The following DOK6 variants were observed in gnomAD, a reference collection of about 807,000 sequenced individuals.
DOK6 encodes docking protein 6, also known as downstream of tyrosine kinase 6.
In DOK6, 22 loss-of-function variants were observed where a neutral mutation model predicts 44.0. The observed-to-expected ratio is 0.50, with a 90% CI of 0.36 to 0.71. The LOEUF is 0.71. Ranked by LOEUF, DOK6 falls within the 30% of genes least tolerant of loss-of-function variation. The pLI, the probability that DOK6 is intolerant of heterozygous loss-of-function variation, is 0.00. For missense variants in DOK6, 340 were observed against 416.4 expected (o/e 0.82, Z 1.60); for synonymous variants, 166 against 145.5 (o/e 1.14, Z -1.01).
At chr18:69,567,217 C>G (rs1419290898) in intron 2 of DOK6, among the ~76,000 whole-genome samples, 2 of 152,140 alleles carry the variant, frequency 1.3e-5, no homozygotes, top group Non-Finnish European at 2.9e-5. Context: ...GGGCCATGCA[C>G]TGGGGATACA....
At chr18:69,675,147 T>C (rs1393732812) in intron 3 of DOK6, among the ~76,000 whole-genome samples, 1 of 152,200 alleles carries the variant, frequency 6.6e-6, no homozygotes, top group Non-Finnish European at 1.5e-5. Flanking sequence ...GGGAGACTTC[T>C]TTGTTCCAGC....
At chr18:69,442,567 G>A (rs546245330) in intron 1 of DOK6, among the ~76,000 whole-genome samples, 8 of 152,184 alleles carry the variant, frequency 5.3e-5, no homozygotes, top group Middle Eastern at 3.4e-3. Flanking sequence ...GGCCCCTCCC[G>A]CAACATGTGG....
chr18:69,617,791 G>A (rs9959739), intron 3 of DOK6, among the ~76,000 whole-genome samples: 8,003 of 150,596 alleles, frequency 0.053, 416 homozygotes, highest in East Asian at 0.29. Context: ...GGGAGGGAGA[G>A]AAAAGACAGA....
intron 7 of DOK6, among the ~76,000 whole-genome samples, chr18:69,762,751 A>G (rs746603309): frequency 1.3e-5 from 2 of 152,226 alleles, no homozygotes; most frequent in African/African-American, 2.4e-5. Flanking sequence ...TAAGACACCT[A>G]TAACTTCAGT....
At chr18:69,726,397 C>T (rs1978307642) in intron 5 of DOK6, among the ~76,000 whole-genome samples, 1 of 152,074 alleles carries the variant, frequency 6.6e-6, no homozygotes, top group African/African-American at 2.4e-5. Flanking sequence ...TCATACCGTT[C>T]CTCCAGTTTC....
chr18:69,554,672 C>A (rs575065520), intron 1 of DOK6, among the ~76,000 whole-genome samples: 2 of 152,082 alleles, frequency 1.3e-5, no homozygotes, highest in Non-Finnish European at 2.9e-5. Flanking sequence ...TTGCTAGAGC[C>A]TGTGTAAATT....
chr18:69,557,233 G>C (rs1391349160), intron 1 of DOK6, among the ~76,000 whole-genome samples: 1 of 152,164 alleles, frequency 6.6e-6, no homozygotes, highest in African/African-American at 2.4e-5. Flanking sequence ...GACAACTTCT[G>C]TAACTGAAAA....
chr18:69,640,335 A>G (rs1984909821), intron 3 of DOK6, among the ~76,000 whole-genome samples: 1 of 152,194 alleles, frequency 6.6e-6, no homozygotes, highest in African/African-American at 2.4e-5. Flanking sequence ...TTTCCCTGAT[A>G]TGTGGTATTC....
rs560583927 is a variant in DOK6, at chr18:69,831,946, CTAGATTTTTCTAAATATGA to C, written c.857-9297_857-9279del. 4.7e-3 allele frequency among the ~76,000 whole-genome samples: 712 copies of C among 152,198 alleles called. 9 individuals carry two copies. Among genetic ancestry groups the C allele is most frequent in the African/African-American group, 0.016 (685 of 41,530 alleles). On this transcript the variant is annotated intron_variant, in intron 7 of 7. Transcript: ENST00000382713. ...CTCTAAGAGTTTTTTAGTGGAGTCT[CTAGATTTTTCTAAATATGA>C]GATCATAACAACTTCAAACAAGGAT...
chr18:69,534,245 A>C (rs1982060730), intron 1 of DOK6, among the ~76,000 whole-genome samples: 1 of 152,188 alleles, frequency 6.6e-6, no homozygotes, highest in Admixed American at 6.6e-5. Flanking sequence ...TCTATAAAAT[A>C]ACAATTTTCT....
At chr18:69,765,160 T>C (rs1283469031) in intron 7 of DOK6, among the ~76,000 whole-genome samples, 3 of 152,242 alleles carry the variant, frequency 2.0e-5, no homozygotes, top group African/African-American at 4.8e-5. Context: ...CCAAACTGCA[T>C]TGTATATAAA....
At chr18:69,776,719 TA>T (rs1440411491) in intron 7 of DOK6, among the ~76,000 whole-genome samples, 4 of 152,028 alleles carry the variant, frequency 2.6e-5, no homozygotes, top group Non-Finnish European at 5.9e-5. Context: ...AAAATATCAA[TA>T]AATGATTTTA....
At chr18:69,713,416 A>G (rs1283698349) in intron 5 of DOK6, among the ~76,000 whole-genome samples, 2 of 152,242 alleles carry the variant, frequency 1.3e-5, no homozygotes, top group Non-Finnish European at 2.9e-5. Context: ...AGCTTCCTGC[A>G]TACCAAATCT....
chr18:69,489,639 C>T (rs1258247647), intron 1 of DOK6, among the ~76,000 whole-genome samples: 1 of 152,162 alleles, frequency 6.6e-6, no homozygotes, highest in Admixed American at 6.5e-5. Context: ...CATTTAGAGT[C>T]CTGTTTCTTT....
chr18:69,838,037 G>A (rs1236363289), intron 7 of DOK6, among the ~76,000 whole-genome samples: 1 of 152,102 alleles, frequency 6.6e-6, no homozygotes. Flanking sequence ...TTTAATAGAT[G>A]ATGGTTAATA....
chr18:69,803,601 C>G (rs566086796), intron 7 of DOK6, among the ~76,000 whole-genome samples: 1 of 152,198 alleles, frequency 6.6e-6, no homozygotes, highest in Admixed American at 6.5e-5. Flanking sequence ...AGGTGGCTCA[C>G]GCCTATAATC....
intron 2 of DOK6, among the ~76,000 whole-genome samples, chr18:69,572,469 A>G (rs1391547619): frequency 6.6e-6 from 1 of 152,122 alleles, no homozygotes; most frequent in Non-Finnish European, 1.5e-5. Flanking sequence ...CAAGTAGTCA[A>G]TTCGATAAAT....
intron 5 of DOK6, among the ~76,000 whole-genome samples, chr18:69,704,120 T>A (rs1364944601): frequency 6.6e-6 from 1 of 152,234 alleles, no homozygotes; most frequent in Non-Finnish European, 1.5e-5. Flanking sequence ...CTCTGTGTCA[T>A]GTTTTTCTTA....
chr18:69,588,959 T>C (rs781085782), intron 2 of DOK6, among the ~76,000 whole-genome samples: 12 of 152,116 alleles, frequency 7.9e-5, no homozygotes, highest in African/African-American at 1.4e-4. Context: ...TCAGAGCACA[T>C]GTCTGTCACA....
Sources: allele counts gnomAD v4.1 joint callset (sites outside exome capture counted in the v4.1 genomes callset), GRCh38; gene constraint gnomAD v4.1.1; transcripts MANE v1.5; gene names NCBI Gene and HGNC (gene_info 2026-07-23, HGNC 2026-07-21).